Variants in ULK4 observed in about 807,000 individuals in gnomAD.
The protein encoded by ULK4 is inactive serine/threonine-protein kinase ULK4.
A neutral mutation model predicts 160.6 loss-of-function variants in ULK4; 133 were observed. That is an observed-to-expected ratio of 0.83 (90% CI 0.72 to 0.96). The LOEUF (loss-of-function observed/expected upper bound fraction) is 0.96. Ranked by LOEUF, ULK4 falls within the 40% of genes least tolerant of loss-of-function variation. The pLI is 0.00. For synonymous variants in ULK4, 534 were observed against 539.8 expected (o/e 0.99, Z 0.15); for missense variants, 1,580 against 1,499.5 (o/e 1.05, Z -0.89).
chr3:41,498,816 C>T (rs1488183366), intron 32 of ULK4, among the ~76,000 whole-genome samples: 2 of 151,944 alleles, frequency 1.3e-5, no homozygotes, highest in South Asian at 2.1e-4. Flanking sequence ...AGGATGGTCT[C>T]GATCTCCTGA....
At chr3:41,402,475 A>G (rs1575517008) in intron 34 of ULK4, among the ~76,000 whole-genome samples, 1 of 152,152 alleles carries the variant, frequency 6.6e-6, no homozygotes, top group Non-Finnish European at 1.5e-5. Context: ...ACTATTAAGT[A>G]TGGTGCTAGC....
chr3:41,383,697 C>G (rs922031726), intron 35 of ULK4, among the ~76,000 whole-genome samples: 1 of 152,172 alleles, frequency 6.6e-6, no homozygotes, highest in Non-Finnish European at 1.5e-5. Flanking sequence ...AGTAAACTTT[C>G]TTTTGTGTTT....
At chr3:41,390,944 C>T (rs1340502841) in intron 35 of ULK4, among the ~76,000 whole-genome samples, 13 of 151,878 alleles carry the variant, frequency 8.6e-5, no homozygotes, top group Admixed American at 8.5e-4. Flanking sequence ...TATCCTTCCT[C>T]CCATCCCCCT....
chr3:41,760,493 T>G (rs1337189556), intron 21 of ULK4, among the ~76,000 whole-genome samples: 1 of 152,180 alleles, frequency 6.6e-6, no homozygotes, highest in Non-Finnish European at 1.5e-5. Flanking sequence ...TTAGTTATAA[T>G]ACAGATTAAG....
At chr3:41,304,539 G>A in intron 35 of ULK4, among the ~76,000 whole-genome samples, 1 of 152,174 alleles carries the variant, frequency 6.6e-6, no homozygotes, top group Non-Finnish European at 1.5e-5. Flanking sequence ...AAGCTGCAGA[G>A]ATCAACCCTA....
intron 35 of ULK4, chr3:41,259,789 G>GT (rs2078907764): frequency 6.6e-6 from 1 of 152,160 alleles, no homozygotes; most frequent in Non-Finnish European, 1.5e-5. Context: ...GTCAATATCT[G>GT]TAGTGATCTT....
rs182365158 is a variant in ULK4, at chr3:41,941,248, A to G, written c.139-3051T>C. Among the ~76,000 whole-genome samples the G allele has an allele frequency of 5.7e-3, 840 of 146,674 alleles. 5 individuals are homozygous for G. Among genetic ancestry groups the G allele is most frequent in the African/African-American group, 0.019 (772 of 40,360 alleles). On this transcript the variant is annotated intron_variant, in intron 2 of 36. Transcript: ENST00000301831. ...AGACAAGGTCTCACTTTGTTGCCCA[A>G]GTTGGTCTTGAACTCCTGGGTTCAA...
chr3:41,396,810 T>C (rs1032423594), intron 35 of ULK4, among the ~76,000 whole-genome samples: 3 of 152,168 alleles, frequency 2.0e-5, no homozygotes, highest in African/African-American at 4.8e-5. Context: ...AACTAGACCA[T>C]CATAATCCTG....
chr3:41,295,411 T>C lies in ULK4; in HGVS notation c.3679-45837A>G, dbSNP rs1342116683. Among the ~76,000 whole-genome samples the C allele has an allele frequency of 2.2e-5, 3 of 133,474 alleles. 1 individual carries two copies. Among genetic ancestry groups the C allele is most frequent in the Non-Finnish European group, 5.1e-5 (3 of 59,316 alleles). 87.6% of individuals were successfully genotyped at this position (133,474 alleles called of 152,430 possible). The stretch of plus-strand genomic sequence containing the variant: ...GAAAACAAATCTAGATGACCTCGGG[T>C]ATGACAATGACTTTTTAGATACAAC... On this transcript the variant is annotated intron_variant, in intron 35 of 36. Transcript: ENST00000301831.
chr3:41,693,000 C>A (rs1313563730), intron 27 of ULK4, among the ~76,000 whole-genome samples: 1 of 152,154 alleles, frequency 6.6e-6, no homozygotes, highest in African/African-American at 2.4e-5. Context: ...GACATTTAAG[C>A]TAAATAATAG....
intron 19 of ULK4, among the ~76,000 whole-genome samples, chr3:41,801,936 T>C (rs1454461821): frequency 6.7e-6 from 1 of 149,012 alleles, no homozygotes; most frequent in Non-Finnish European, 1.5e-5. Context: ...AGAGGAACAA[T>C]GATAAGGCTG....
At chr3:41,630,284 G>A (rs181987381) in intron 30 of ULK4, among the ~76,000 whole-genome samples, 2 of 152,310 alleles carry the variant, frequency 1.3e-5, no homozygotes, top group East Asian at 1.9e-4. Context: ...TGGAGGTGGA[G>A]GGGATACATT....
intron 34 of ULK4, among the ~76,000 whole-genome samples, chr3:41,432,386 A>G (rs2082934138): frequency 1.3e-5 from 2 of 152,256 alleles, no homozygotes; most frequent in African/African-American, 4.8e-5. Context: ...TGAAGAAAAC[A>G]TGTATTTCCA....
At chr3:41,734,362 G>C (rs2037947551) in intron 22 of ULK4, among the ~76,000 whole-genome samples, 1 of 152,158 alleles carries the variant, frequency 6.6e-6, no homozygotes, top group African/African-American at 2.4e-5. Flanking sequence ...AAGTGCTACT[G>C]AATGTTTCTG....
At chr3:41,330,572 G>A (rs1385348485) in intron 35 of ULK4, among the ~76,000 whole-genome samples, 1 of 152,200 alleles carries the variant, frequency 6.6e-6, no homozygotes, top group Non-Finnish European at 1.5e-5. Context: ...CCTGGTGAGG[G>A]GTGACTGGTT....
At chr3:41,303,697 T>C (rs1309574285) in intron 35 of ULK4, among the ~76,000 whole-genome samples, 1 of 152,140 alleles carries the variant, frequency 6.6e-6, no homozygotes, top group Non-Finnish European at 1.5e-5. Flanking sequence ...TTCTGCACTG[T>C]GGTTTCCTTC....
intron 30 of ULK4, among the ~76,000 whole-genome samples, chr3:41,644,212 A>G (rs1169265539): frequency 6.6e-6 from 1 of 152,076 alleles, no homozygotes; most frequent in African/African-American, 2.4e-5. Context: ...TGTCCTGGCC[A>G]GAACTTCCAA....
At chr3:41,804,503 A>C (rs2040574917) in intron 19 of ULK4, among the ~76,000 whole-genome samples, 1 of 150,278 alleles carries the variant, frequency 6.7e-6, no homozygotes, top group Non-Finnish European at 1.5e-5. Context: ...CCCATTTGTC[A>C]ATTTTGTCTT....
At chr3:41,843,499 C>T (rs781694754) in intron 17 of ULK4, among the ~76,000 whole-genome samples, 6 of 151,874 alleles carry the variant, frequency 4.0e-5, no homozygotes, top group Admixed American at 2.0e-4. Flanking sequence ...TGGTGGGGTT[C>T]GTGGTTTCAC....
Sources: allele counts gnomAD v4.1 joint callset (sites outside exome capture counted in the v4.1 genomes callset), GRCh38; gene constraint gnomAD v4.1.1; transcripts MANE v1.5; gene names NCBI Gene and HGNC (gene_info 2026-07-23, HGNC 2026-07-21).